The following MBOAT2 variants were observed in gnomAD, a reference collection of about 807,000 sequenced individuals.
MBOAT2 encodes the protein membrane bound glycerophospholipid O-acyltransferase 2, also known as membrane-bound glycerophospholipid O-acyltransferase 2.
In MBOAT2, 28 loss-of-function variants were observed where a neutral mutation model predicts 63.4. The ratio of observed to expected loss-of-function variants is 0.44; its 90% CI spans 0.33 to 0.61. The LOEUF is 0.61. MBOAT2 is among the 20% of genes least tolerant of loss of function. The probability of loss-of-function intolerance (pLI) is 0.03; values close to 1 mark genes in which losing one functional copy is unlikely to be tolerated. For synonymous variants in MBOAT2, 211 were observed against 215.6 expected, an observed-to-expected ratio of 0.98 and a Z score of 0.19; for missense variants, 470 against 605.8, an observed-to-expected ratio of 0.78 and a Z score of 2.35.
chr2:8,997,331 A>G (rs1427186632), intron 1 of MBOAT2, among the ~76,000 whole-genome samples: 5 of 152,214 alleles, frequency 3.3e-5, no homozygotes. Flanking sequence ...AAGGAGATGA[A>G]GGCTGTTTGT....
At chr2:9,002,360 GCTAGTATC>G (rs889119170) in intron 1 of MBOAT2, among the ~76,000 whole-genome samples, 8 of 152,314 alleles carry the variant, frequency 5.3e-5, no homozygotes, top group African/African-American at 1.7e-4. Flanking sequence ...GCACAAAGCA[GCTAGTATC>G]CTAATGTCAG....
intron 1 of MBOAT2, among the ~76,000 whole-genome samples, chr2:8,979,082 T>A (rs1671026950): frequency 6.6e-6 from 1 of 152,194 alleles, no homozygotes; most frequent in African/African-American, 2.4e-5. Flanking sequence ...AAAACTCCTC[T>A]ACTGGCCTGC....
At position 9,003,594 on chromosome 2, in the gene MBOAT2, C is replaced by G. The variant is rs949530453; in HGVS notation, c.21G>C (p.Thr7=). Reference sequence around the variant, plus strand: ...TGAGGGGCTGCAGCAGGGTGGAGCCCGTGGTGCTGGTGGTGGCCATGGCCG... The same window carrying G: ...TGAGGGGCTGCAGCAGGGTGGAGCCGGTGGTGCTGGTGGTGGCCATGGCCG... MATTST[T]GSTLLQPLSN... is the part of the protein sequence containing the mutation. The change falls in exon 1 of 13, where the codon ACG becomes ACC. Residue 7 remains threonine (T), a synonymous_variant. Coordinates refer to ENST00000305997, the MANE Select transcript of MBOAT2 (RefSeq NM_138799.4). The surrounding 1 kb of genome is among the most constrained non-coding windows in gnomAD (Gnocchi z 5.4). 6.6e-6 allele frequency: 8 copies of G among 1,220,012 alleles called. No homozygotes were observed. The African/African-American group carries it at 1.3e-4, about 19-fold the overall frequency. The allele number at this position is 1,220,012 out of a possible 1,614,324, so 75.6% of individuals were successfully genotyped here. A position where few individuals can be genotyped will look rare whatever the true frequency, so the allele number is the denominator to read the frequency against.
chr2:8,989,301 G>A (rs1050272808), intron 1 of MBOAT2, among the ~76,000 whole-genome samples: 26 of 152,120 alleles, frequency 1.7e-4, no homozygotes, highest in African/African-American at 5.1e-4. Flanking sequence ...AGTCTACTGC[G>A]TCTGAAGAAA....
At chr2:8,973,919 G>A (rs1573217541) in intron 1 of MBOAT2, among the ~76,000 whole-genome samples, 1 of 152,230 alleles carries the variant, frequency 6.6e-6, no homozygotes, top group East Asian at 1.9e-4. Context: ...TAGGGAAGAC[G>A]ATGTATTTAC....
At chr2:8,942,036 T>C (rs973376617) in intron 3 of MBOAT2, among the ~76,000 whole-genome samples, 9 of 152,218 alleles carry the variant, frequency 5.9e-5, no homozygotes, top group African/African-American at 2.2e-4. Context: ...GTCATAATCC[T>C]ATAAAAATTG....
intron 6 of MBOAT2, among the ~76,000 whole-genome samples, chr2:8,879,499 C>T (rs1662949354): frequency 6.6e-6 from 1 of 152,154 alleles, no homozygotes; most frequent in African/African-American, 2.4e-5. Context: ...TAATATCAAA[C>T]AAAAGACTCA....
In MBOAT2 at chr2:8,860,722, G is replaced by T; in HGVS notation, c.1228C>A (p.Leu410Met). Reference sequence around the variant, plus strand: ...GTTATAACATCATAAAATAATTTCAGTTGGGAAGGTTCAATGAAATAATGT... The same window carrying T: ...GTTATAACATCATAAAATAATTTCATTTGGGAAGGTTCAATGAAATAATGT... ...FRHYFIEPSQ[L>M]KLFYDVITWI... Residue 410 changes from leucine to methionine, a missense_variant, in exon 12 of 13, where the codon CTG becomes ATG. This residue lies in a region of MBOAT2 where 376 missense variants were observed against 503.8 expected (regional missense o/e 0.75). Coordinates refer to ENST00000305997, the MANE Select transcript of MBOAT2 (RefSeq NM_138799.4). 3.1e-6 allele frequency: 5 copies of T among 1,601,024 alleles called. No homozygotes were observed. The South Asian group carries it at 4.4e-5, about 14-fold the overall frequency.
In MBOAT2 at chr2:9,003,267, C is replaced by A. The variant is rs1229317457; in HGVS notation, c.75+273G>T. On this transcript the variant is annotated intron_variant, in intron 1 of 12. Coordinates refer to ENST00000305997, the MANE Select transcript of MBOAT2 (RefSeq NM_138799.4). This position sits in a 1 kb window ranked among gnomAD's most constrained non-coding sequence, Gnocchi z 5.4. ...CCGCATGCACACCCGCACGCCCATACGACCACCCTCCCCGGGGGCTGTCGC... is the reference window on the plus strand; with the variant it reads ...CCGCATGCACACCCGCACGCCCATAAGACCACCCTCCCCGGGGGCTGTCGC... 6.6e-6 allele frequency among the ~76,000 whole-genome samples: 1 copy of A among 152,192 alleles called. No homozygotes were observed. The highest frequency in any genetic ancestry group is 1.5e-5 in the Non-Finnish European group (1 of 68,026).
chr2:8,938,429 GCTA>G (rs964721733), intron 3 of MBOAT2, among the ~76,000 whole-genome samples: 1 of 152,028 alleles, frequency 6.6e-6, no homozygotes, highest in Non-Finnish European at 1.5e-5. Flanking sequence ...CTATAGTCAG[GCTA>G]CTTATTAAGG....
At chr2:8,907,269 C>A (rs759212367) in intron 4 of MBOAT2, among the ~76,000 whole-genome samples, 21 of 152,150 alleles carry the variant, frequency 1.4e-4, no homozygotes, top group Non-Finnish European at 2.8e-4. Flanking sequence ...ATTTTTCTCA[C>A]TGTATTTTCA....
At chr2:8,912,245 A>G (rs770378381) in intron 3 of MBOAT2, among the ~76,000 whole-genome samples, 3 of 151,226 alleles carry the variant, frequency 2.0e-5, no homozygotes, top group Non-Finnish European at 2.9e-5. Context: ...AGCCAAATCA[A>G]TAAGAAAGAC....
intron 1 of MBOAT2, among the ~76,000 whole-genome samples, chr2:8,969,157 A>G (rs1384157893): frequency 1.3e-5 from 2 of 152,176 alleles, no homozygotes; most frequent in African/African-American, 2.4e-5. Context: ...AGCCCATCAG[A>G]CTAACAGCGG....
intron 1 of MBOAT2, among the ~76,000 whole-genome samples, chr2:8,966,280 T>C (rs1227603100): frequency 2.0e-5 from 3 of 152,230 alleles, no homozygotes; most frequent in African/African-American, 7.2e-5. Context: ...TGAGCACTTA[T>C]ATGTGGTTAT....
At chr2:8,919,333 TG>T (rs1666408355) in intron 3 of MBOAT2, among the ~76,000 whole-genome samples, 1 of 152,244 alleles carries the variant, frequency 6.6e-6, no homozygotes, top group Non-Finnish European at 1.5e-5. Context: ...TTTATGTTCC[TG>T]TAAGCAACGT....
intron 1 of MBOAT2, among the ~76,000 whole-genome samples, chr2:9,002,180 A>G (rs1672736473): frequency 6.6e-6 from 1 of 152,194 alleles, no homozygotes; most frequent in Admixed American, 6.5e-5. Flanking sequence ...TAATTTCACT[A>G]CCATACTTTA....
chr2:8,894,960 C>T (rs752588074), intron 4 of MBOAT2, among the ~76,000 whole-genome samples: 4 of 151,150 alleles, frequency 2.6e-5, no homozygotes, highest in Non-Finnish European at 2.9e-5. Flanking sequence ...TTCATAAAGG[C>T]GGCACGTCCG....
At chr2:8,907,544 G>A (rs1186824630) in intron 4 of MBOAT2, among the ~76,000 whole-genome samples, 1 of 152,184 alleles carries the variant, frequency 6.6e-6, no homozygotes, top group South Asian at 2.1e-4. Flanking sequence ...CTGCTCATGA[G>A]GTAATGTTTT....
intron 2 of MBOAT2, among the ~76,000 whole-genome samples, chr2:8,957,377 C>T (rs1427776945): frequency 6.6e-6 from 1 of 152,144 alleles, no homozygotes; most frequent in Non-Finnish European, 1.5e-5. Flanking sequence ...TTTAAGAGGT[C>T]ATATTTAAAT....
Sources: gnomAD v4.1 joint callset for allele counts (sites outside exome capture counted in the v4.1 genomes callset) on GRCh38, gnomAD v4.1.1 for gene constraint, gnomAD v4.1.1 regional missense constraint, Gnocchi (gnomAD v3.1) non-coding constraint, MANE v1.5 for transcripts, NCBI Gene and HGNC (gene_info 2026-07-23, HGNC 2026-07-21) for gene names.